TRIO: variants seen among roughly 807,000 people sequenced by gnomAD.
TRIO encodes triple functional domain protein.
Under a neutral mutation model 351.9 loss-of-function variants are expected in TRIO, and 58 were observed. That is an observed-to-expected ratio of 0.16 (90% CI 0.13 to 0.21). TRIO has a LOEUF of 0.21. Ranked by LOEUF, TRIO falls within the 10% of genes least tolerant of loss-of-function variation. TRIO has a pLI of 1.00. For synonymous variants in TRIO, 1,758 were observed against 1,595.7 expected (o/e 1.10, Z -2.42); for missense variants, 3,201 against 4,027.8 (o/e 0.79, Z 5.56).
chr5:14,417,183 C>A (rs963864679), intron 33 of TRIO, among the ~76,000 whole-genome samples: 1 of 152,170 alleles, frequency 6.6e-6, no homozygotes, highest in Admixed American at 6.5e-5. Context: ...TTTGACTGTT[C>A]AGAGACCTGA....
At chr5:14,455,599 C>T (rs1753227846) in intron 34 of TRIO, among the ~76,000 whole-genome samples, 1 of 152,062 alleles carries the variant, frequency 6.6e-6, no homozygotes, top group African/African-American at 2.4e-5. Flanking sequence ...CTGATTGGTG[C>T]ATTTACAAAC....
Position 14,381,166 on chromosome 5 carries a change from C to T in TRIO, c.3484C>T (p.Leu1162Phe). ...GATCCATGACAATGGCGAGTTCTAC[C>T]TTTCCACACACACCTCCACGGGCTC... ...EWIHDNGEFY[L>F]STHTSTGSSI... Residue 1162 changes from leucine to phenylalanine, a missense_variant, in exon 21 of 57, where the codon CTT (leucine) becomes TTT (phenylalanine). Leu to Phe is a conservative substitution (Grantham distance 22, BLOSUM62 0). Transcript: ENST00000344204. The T allele has an allele frequency of 6.2e-7, 1 of 1,614,102 alleles. No individual in the cohort carries two copies. Among genetic ancestry groups the T allele is most frequent in the African/African-American group, 1.3e-5 (1 of 75,018 alleles).
intron 8 of TRIO, among the ~76,000 whole-genome samples, chr5:14,314,494 G>A (rs1739206842): frequency 1.3e-5 from 2 of 152,146 alleles, no homozygotes; most frequent in African/African-American, 4.8e-5. Flanking sequence ...GTGATATTTT[G>A]AAAGGGAAAA....
intron 1 of TRIO, among the ~76,000 whole-genome samples, chr5:14,265,580 G>A (rs1030195934): frequency 1.3e-5 from 2 of 151,956 alleles, no homozygotes; most frequent in South Asian, 2.1e-4. Flanking sequence ...TAAATAAATC[G>A]GAGAGGGGCT....
chr5:14,167,336 C>G (rs1232590175), intron 1 of TRIO, among the ~76,000 whole-genome samples: 2 of 151,876 alleles, frequency 1.3e-5, no homozygotes, highest in Non-Finnish European at 2.9e-5. Context: ...TGCCCTGTCT[C>G]CCCATTTCCA....
At chr5:14,471,084 G>A (rs1754646093) in intron 37 of TRIO, among the ~76,000 whole-genome samples, 1 of 140,678 alleles carries the variant, frequency 7.1e-6, no homozygotes, top group African/African-American at 2.7e-5. Context: ...ATTAATGTAT[G>A]TAAATTCACT....
At chr5:14,336,906 T>C (rs1426670100) in intron 11 of TRIO, among the ~76,000 whole-genome samples, 179 bp downstream of exon 11, 1 of 152,176 alleles carries the variant, frequency 6.6e-6, no homozygotes, top group African/African-American at 2.4e-5. Flanking sequence ...TGTGCTGGCT[T>C]TCCTTGTTTT....
intron 1 of TRIO, among the ~76,000 whole-genome samples, chr5:14,180,170 T>G (rs556013182): frequency 6.6e-6 from 1 of 151,096 alleles, no homozygotes; most frequent in East Asian, 1.9e-4. Context: ...ATGCGTTATA[T>G]TCCCTAGTTT....
At chr5:14,293,538 C>A (rs2152287092) in intron 6 of TRIO, among the ~76,000 whole-genome samples, 1 of 152,322 alleles carries the variant, frequency 6.6e-6, no homozygotes, top group African/African-American at 2.4e-5. Context: ...AGCAAGCCTG[C>A]TGCTGACCTC....
At chr5:14,485,583 G>A (rs990555576) in intron 47 of TRIO, among the ~76,000 whole-genome samples, 12 of 152,172 alleles carry the variant, frequency 7.9e-5, no homozygotes, top group Non-Finnish European at 1.2e-4. Context: ...CACATAACAT[G>A]TACGAGGGCC....
rs114577279 is a variant in TRIO, at chr5:14,360,888, A to T, written c.2391+1357A>T. Among the ~76,000 whole-genome samples, 6 of 152,250 alleles carry T rather than the reference A, an allele frequency of 3.9e-5. No individual in the cohort carries two copies. The East Asian group carries it at 1.2e-3, about 29-fold the overall frequency. On this transcript the variant is annotated intron_variant, in intron 13 of 56. Transcript: ENST00000344204. ...AGGAGTCAAACCCTAAACATGTGGC[A>T]TGGTGAAACCTGTTCAGATGCTCTC...
At chr5:14,423,886 G>C (rs916629408) in intron 34 of TRIO, among the ~76,000 whole-genome samples, 1 of 150,336 alleles carries the variant, frequency 6.7e-6, no homozygotes, top group South Asian at 2.1e-4. Flanking sequence ...TTTGCCATTC[G>C]AAGTTGAATC....
chr5:14,471,012 G>T (rs911157965), intron 37 of TRIO, among the ~76,000 whole-genome samples: 6 of 152,180 alleles, frequency 3.9e-5, no homozygotes, highest in African/African-American at 1.4e-4. Context: ...AAAAATGGGT[G>T]CAGTACTCTG....
intron 34 of TRIO, among the ~76,000 whole-genome samples, chr5:14,450,041 C>G (rs1377308255): frequency 1.3e-5 from 2 of 152,170 alleles, no homozygotes; most frequent in Non-Finnish European, 2.9e-5. Context: ...GTCTACATAG[C>G]TACATTTTCC....
intron 1 of TRIO, among the ~76,000 whole-genome samples, chr5:14,170,000 A>G (rs74450544): frequency 0.011 from 1,725 of 152,296 alleles, 29 homozygotes; most frequent in African/African-American, 0.038. Flanking sequence ...TGGAAAGCCA[A>G]TGAAATTGGG....
At chr5:14,504,361 T>A (rs751636644) in intron 54 of TRIO, 32 bp from the exon 55 acceptor site, 9 of 1,611,912 alleles carry the variant, frequency 5.6e-6, no homozygotes, top group Non-Finnish European at 5.9e-6. Context: ...CTCAGCAGCC[T>A]CTGCAAATGG....
intron 11 of TRIO, among the ~76,000 whole-genome samples, chr5:14,345,340 A>C (rs1478743533): frequency 2.6e-4 from 40 of 152,144 alleles, no homozygotes; most frequent in Admixed American, 2.6e-3. Flanking sequence ...GCAGTTTTTC[A>C]GTAGGGATTG....
At chr5:14,153,660 A>G (rs968842386) in intron 1 of TRIO, among the ~76,000 whole-genome samples, 3 of 152,110 alleles carry the variant, frequency 2.0e-5, no homozygotes, top group South Asian at 2.1e-4. Context: ...TGCTTCTGGT[A>G]GGGCAAGCGA....
intron 6 of TRIO, among the ~76,000 whole-genome samples, chr5:14,294,425 G>A (rs1264596323): frequency 6.6e-6 from 1 of 152,158 alleles, no homozygotes; most frequent in African/African-American, 2.4e-5. Context: ...ATAAAAATTT[G>A]TTTGTAAAAA....
Sources: gnomAD v4.1 joint callset for allele counts (sites outside exome capture counted in the v4.1 genomes callset) on GRCh38, gnomAD v4.1.1 for gene constraint, MANE v1.5 for transcripts, NCBI Gene and HGNC (gene_info 2026-07-23, HGNC 2026-07-21) for gene names.